The following GALNTL6 variants were observed in gnomAD, a reference collection of about 807,000 sequenced individuals.
The protein encoded by GALNTL6 is polypeptide N-acetylgalactosaminyltransferase-like 6.
Under a neutral mutation model 73.7 loss-of-function variants are expected in GALNTL6, and 46 were observed. The observed-to-expected ratio is 0.62, with a 90% CI of 0.49 to 0.80. GALNTL6 has a LOEUF of 0.80. GALNTL6 is among the 30% of genes least tolerant of loss of function. The pLI is 0.00. For missense variants in GALNTL6, 604 were observed against 755.0 expected (o/e 0.80, Z 2.34); for synonymous variants, 259 against 263.7 (o/e 0.98, Z 0.17).
intron 5 of GALNTL6, among the ~76,000 whole-genome samples, chr4:172,448,809 G>GT (rs926892197): frequency 6.6e-6 from 1 of 152,152 alleles, no homozygotes; most frequent in Non-Finnish European, 1.5e-5. Context: ...AAAAGTGGGA[G>GT]TTTTTCTGAT....
At chr4:172,119,772 G>T (rs1363003457) in intron 2 of GALNTL6, among the ~76,000 whole-genome samples, 1 of 152,170 alleles carries the variant, frequency 6.6e-6, no homozygotes, top group East Asian at 1.9e-4. Flanking sequence ...CAAGCTGCAT[G>T]CCAACCTCTG....
intron 2 of GALNTL6, among the ~76,000 whole-genome samples, chr4:172,153,568 T>C (rs1291616116): frequency 6.6e-6 from 1 of 152,190 alleles, no homozygotes; most frequent in African/African-American, 2.4e-5. Context: ...TTAAAATCAT[T>C]TTACATAAAA....
intron 2 of GALNTL6, among the ~76,000 whole-genome samples, chr4:171,921,643 A>G (rs1304602190): frequency 6.6e-6 from 1 of 152,156 alleles, no homozygotes; most frequent in African/African-American, 2.4e-5. Flanking sequence ...AAATTCGTCA[A>G]TTGATTGTCA....
chr4:171,829,888 T>C (rs906890066), intron 2 of GALNTL6, among the ~76,000 whole-genome samples: 1 of 152,070 alleles, frequency 6.6e-6, no homozygotes, highest in South Asian at 2.1e-4. Context: ...TGTAATTAAT[T>C]TGAAGATCTT....
chr4:172,969,373 T>C (rs1419964985), intron 10 of GALNTL6, among the ~76,000 whole-genome samples: 1 of 152,030 alleles, frequency 6.6e-6, no homozygotes, highest in African/African-American at 2.4e-5. Context: ...CAACATAAAA[T>C]TCCCAAAAGA....
intron 3 of GALNTL6, among the ~76,000 whole-genome samples, chr4:172,301,656 A>G (rs961802981): frequency 3.3e-5 from 5 of 152,110 alleles, no homozygotes; most frequent in African/African-American, 9.7e-5. Flanking sequence ...TTTCCTGGGT[A>G]TCAGCTGCGG....
intron 8 of GALNTL6, among the ~76,000 whole-genome samples, chr4:172,900,930 A>G (rs1478647178): frequency 6.6e-6 from 1 of 152,202 alleles, no homozygotes; most frequent in Non-Finnish European, 1.5e-5. Flanking sequence ...GTAAACTTGC[A>G]TCTCTCACTT....
chr4:172,844,597 T>C (rs1743391201), intron 7 of GALNTL6, among the ~76,000 whole-genome samples: 1 of 152,224 alleles, frequency 6.6e-6, no homozygotes, highest in African/African-American at 2.4e-5. Flanking sequence ...ATGCCTAAAA[T>C]GAGGAGGTCT....
At chr4:172,385,267 G>A (rs1286548316) in intron 5 of GALNTL6, among the ~76,000 whole-genome samples, 5 of 151,828 alleles carry the variant, frequency 3.3e-5, no homozygotes, top group African/African-American at 4.8e-5. Context: ...CTATGATTGC[G>A]TATTCTATAG....
intron 12 of GALNTL6, among the ~76,000 whole-genome samples, chr4:173,036,909 G>A (rs1429447638): frequency 6.6e-6 from 1 of 152,208 alleles, no homozygotes; most frequent in East Asian, 1.9e-4. Flanking sequence ...GCAGAGGAGG[G>A]AAAGGCTGTC....
At chr4:172,566,623 C>G (rs1736563980) in intron 5 of GALNTL6, among the ~76,000 whole-genome samples, 1 of 149,672 alleles carries the variant, frequency 6.7e-6, no homozygotes, top group African/African-American at 2.5e-5. Context: ...GTATCAAGGA[C>G]CAAGAAAAAG....
At chr4:171,871,700 G>C (rs529764818) in intron 2 of GALNTL6, among the ~76,000 whole-genome samples, 1 of 151,870 alleles carries the variant, frequency 6.6e-6, no homozygotes, top group African/African-American at 2.4e-5. Flanking sequence ...TTTAGGTCCC[G>C]AAAAAAACAC....
intron 5 of GALNTL6, among the ~76,000 whole-genome samples, chr4:172,690,398 G>C (rs1387777792): frequency 6.6e-6 from 1 of 152,066 alleles, no homozygotes; most frequent in Non-Finnish European, 1.5e-5. Context: ...TATCACACTG[G>C]ATCAGGCCCA....
chr4:172,523,707 A>G (rs1734859329), intron 5 of GALNTL6, among the ~76,000 whole-genome samples: 1 of 152,048 alleles, frequency 6.6e-6, no homozygotes, highest in Admixed American at 6.6e-5. Flanking sequence ...GATTTTTAAA[A>G]ACTCTGTATA....
At chr4:172,894,988 G>A (rs1018879567) in intron 8 of GALNTL6, among the ~76,000 whole-genome samples, 1 of 147,758 alleles carries the variant, frequency 6.8e-6, no homozygotes, top group African/African-American at 2.5e-5. Flanking sequence ...TCTTTTGTGT[G>A]ACATCAGTAT....
At chr4:172,370,645 A>AG (rs1406759163) in intron 5 of GALNTL6, among the ~76,000 whole-genome samples, 3 of 151,706 alleles carry the variant, frequency 2.0e-5, no homozygotes, top group Admixed American at 6.6e-5. Flanking sequence ...AAAAAAAAAA[A>AG]AAAAAAGAGT....
At chr4:172,783,595 T>C (rs2110905493) in intron 5 of GALNTL6, among the ~76,000 whole-genome samples, 1 of 151,454 alleles carries the variant, frequency 6.6e-6, no homozygotes, top group Admixed American at 6.6e-5. Context: ...CTTAGTGGCT[T>C]AAAACAACAC....
intron 5 of GALNTL6, among the ~76,000 whole-genome samples, chr4:172,730,789 A>C (rs949942443): frequency 9.2e-5 from 14 of 152,104 alleles, no homozygotes; most frequent in Middle Eastern, 3.2e-3. Context: ...TAAGAGTTTG[A>C]ATAGGATTGG....
chr4:172,689,969 A>C (rs1057051774), intron 5 of GALNTL6, among the ~76,000 whole-genome samples: 1 of 152,198 alleles, frequency 6.6e-6, no homozygotes, highest in Non-Finnish European at 1.5e-5. Context: ...AATTTGAGGA[A>C]AAAAATTACA....
Sources: gnomAD v4.1 joint callset for allele counts (sites outside exome capture counted in the v4.1 genomes callset) on GRCh38, gnomAD v4.1.1 for gene constraint, MANE v1.5 for transcripts, NCBI Gene and HGNC (gene_info 2026-07-23, HGNC 2026-07-21) for gene names.